Variants in OTUD7B observed in about 807,000 individuals in gnomAD.
OTUD7B encodes OTU deubiquitinase 7B, also known as OTU domain-containing protein 7B.
OTUD7B carries 34 observed loss-of-function variants against 82.2 expected under a neutral mutation model. That is an observed-to-expected ratio of 0.41 (90% CI 0.31 to 0.55). The LOEUF (loss-of-function observed/expected upper bound fraction) is 0.55. Among genes scored for constraint, OTUD7B ranks in the 20% least tolerant of loss-of-function variants. OTUD7B has a pLI of 0.20. For synonymous variants in OTUD7B, 398 were observed against 402.7 expected (o/e 0.99, Z 0.14); for missense variants, 944 against 1,062.1 (o/e 0.89, Z 1.55).
chr1:150,059,982 T>C, the OTUD7B span, among the ~76,000 whole-genome samples: 37 of 152,192 alleles, frequency 2.4e-4, no homozygotes, highest in Non-Finnish European at 1.2e-4. Flanking sequence ...TTTAGAATAT[T>C]TTTAGTCATC....
At chr1:149,978,465 C>T (rs1273222839) in intron 1 of OTUD7B, among the ~76,000 whole-genome samples, 1 of 152,186 alleles carries the variant, frequency 6.6e-6, no homozygotes, top group African/African-American at 2.4e-5. Flanking sequence ...GCCGAGATCA[C>T]ACCACTTCAC....
chr1:150,027,547 G>A, the OTUD7B span, among the ~76,000 whole-genome samples: 32 of 152,010 alleles, frequency 2.1e-4, no homozygotes, highest in East Asian at 7.7e-4. Flanking sequence ...AGATCAGGCC[G>A]CTGCACTCCA....
At chr1:149,972,079 A>G (rs1453438290) in intron 2 of OTUD7B, among the ~76,000 whole-genome samples, 3 of 151,984 alleles carry the variant, frequency 2.0e-5, no homozygotes, top group African/African-American at 7.3e-5. Flanking sequence ...ACAGAATAAA[A>G]CTCAGGCTCT....
chr1:149,978,343 C>T (rs1571676208), intron 1 of OTUD7B, among the ~76,000 whole-genome samples: 1 of 152,016 alleles, frequency 6.6e-6, no homozygotes, highest in Admixed American at 6.5e-5. Flanking sequence ...CCTGTTTCTA[C>T]TAAAAATACA....
the OTUD7B span, among the ~76,000 whole-genome samples, chr1:150,018,402 C>G: frequency 2.0e-5 from 3 of 152,240 alleles, no homozygotes; most frequent in South Asian, 6.2e-4. Context: ...GACTAGCTGC[C>G]CCCAGGCAGT....
chr1:149,953,297 A>G (rs1454574265), intron 7 of OTUD7B, among the ~76,000 whole-genome samples: 1 of 152,226 alleles, frequency 6.6e-6, no homozygotes, highest in Non-Finnish European at 1.5e-5. Flanking sequence ...CCATTTATAA[A>G]ATAGGGAATC....
At chr1:150,029,027 T>A in the OTUD7B span, among the ~76,000 whole-genome samples, 1 of 152,216 alleles carries the variant, frequency 6.6e-6, no homozygotes, top group African/African-American at 2.4e-5. Flanking sequence ...CATATGCTGA[T>A]GAACATTTGG....
chr1:149,949,538 G>T, intron 9 of OTUD7B, 91 bp downstream of exon 9: 1 of 1,317,634 alleles, frequency 7.6e-7, no homozygotes, highest in Non-Finnish European at 1.1e-6. Flanking sequence ...GTCTGGGCTT[G>T]CATGTCACTT....
intron 1 of OTUD7B, among the ~76,000 whole-genome samples, chr1:149,980,074 A>G (rs1290817601): frequency 2.6e-5 from 4 of 152,090 alleles, no homozygotes; most frequent in African/African-American, 9.7e-5. Flanking sequence ...CATACAGGCA[A>G]TTTCACAGCC....
intron 1 of OTUD7B, among the ~76,000 whole-genome samples, chr1:149,985,858 G>A (rs1386826360): frequency 5.9e-5 from 9 of 151,964 alleles, no homozygotes; most frequent in South Asian, 2.1e-4. Flanking sequence ...GGGAGTTCCC[G>A]AAGTGTACTA....
At chr1:149,972,041 C>T (rs1425451258) in intron 2 of OTUD7B, among the ~76,000 whole-genome samples, 2 of 152,126 alleles carry the variant, frequency 1.3e-5, no homozygotes, top group Non-Finnish European at 2.9e-5. Flanking sequence ...GTTCCATAAT[C>T]GAGATTTTTA....
the OTUD7B span, among the ~76,000 whole-genome samples, chr1:150,029,219 A>G: frequency 6.6e-6 from 1 of 152,198 alleles, no homozygotes; most frequent in African/African-American, 2.4e-5. Context: ...TAGATGAATA[A>G]TTTTTGTCAA....
intron 7 of OTUD7B, among the ~76,000 whole-genome samples, chr1:149,958,120 G>A (rs1648840399): frequency 6.6e-6 from 1 of 152,070 alleles, no homozygotes; most frequent in South Asian, 2.1e-4. Context: ...CACTCATGCT[G>A]GGAGCTGTAG....
intron 1 of OTUD7B, among the ~76,000 whole-genome samples, chr1:149,983,167 T>C (rs1650904414): frequency 6.6e-6 from 1 of 152,166 alleles, no homozygotes; most frequent in Admixed American, 6.5e-5. Flanking sequence ...CTCTGTACTT[T>C]TAAACCTGCC....
chr1:149,996,222 G>A (rs1553783352), intron 1 of OTUD7B, among the ~76,000 whole-genome samples: 1 of 152,196 alleles, frequency 6.6e-6, no homozygotes, highest in Non-Finnish European at 1.5e-5. Context: ...AAATGCCAAA[G>A]CAGGTCACAC....
chr1:150,037,645 A>G, the OTUD7B span, among the ~76,000 whole-genome samples: 1 of 152,054 alleles, frequency 6.6e-6, no homozygotes, highest in African/African-American at 2.4e-5. Flanking sequence ...GATGGAGTGC[A>G]GTGCCGCGAT....
intron 3 of OTUD7B, among the ~76,000 whole-genome samples, chr1:149,967,938 G>A (rs1649626349): frequency 6.6e-6 from 1 of 151,960 alleles, no homozygotes; most frequent in Non-Finnish European, 1.5e-5. Context: ...TAATTCTCAG[G>A]GTCTTGGGAA....
At chr1:150,025,248 C>T in the OTUD7B span, among the ~76,000 whole-genome samples, 6 of 151,812 alleles carry the variant, frequency 4.0e-5, no homozygotes, top group African/African-American at 1.5e-4. Flanking sequence ...ATGGAGAAAC[C>T]CTGTCTCTAC....
Position 149,948,993 on chromosome 1 carries a change from T to C in OTUD7B, c.1214A>G (p.Asp405Gly). 1 of 1,613,090 alleles carries C rather than the reference T, an allele frequency of 6.2e-7. No homozygotes were observed. The highest frequency in any genetic ancestry group is 8.5e-7 in the Non-Finnish European group (1 of 1,179,040). ...CCTGGCCAATCGGACATTGTCACTATCATCTTTGCCCCACTCCCAGCCCTT... is the reference window on the plus strand; with the variant it reads ...CCTGGCCAATCGGACATTGTCACTACCATCTTTGCCCCACTCCCAGCCCTT... ...PGKGWEWGKD[D>G]SDNVRLASVI... The change falls in exon 10 of 12, where the codon GAT (aspartate) becomes GGT (glycine). Residue 405 changes from aspartate to glycine, a missense_variant. Asp to Gly is a moderately conservative substitution (Grantham distance 94, BLOSUM62 -1). This residue lies in a region of OTUD7B where 530 missense variants were observed against 625.6 expected (regional missense o/e 0.85). Coordinates refer to ENST00000581312, the MANE Select transcript of OTUD7B (RefSeq NM_020205.4).
Sources: gnomAD v4.1 joint callset for allele counts (sites outside exome capture counted in the v4.1 genomes callset) on GRCh38, gnomAD v4.1.1 for gene constraint, gnomAD v4.1.1 regional missense constraint, MANE v1.5 for transcripts, NCBI Gene and HGNC (gene_info 2026-07-23, HGNC 2026-07-21) for gene names.